Variants in LPO observed in about 807,000 individuals in gnomAD.
LPO encodes the protein lactoperoxidase, also known as salivary peroxidase.
Under a neutral mutation model 68.4 loss-of-function variants are expected in LPO, and 70 were observed. The observed-to-expected ratio is 1.02, with a 90% CI of 0.84 to 1.25. LPO has a LOEUF of 1.25. Among genes scored for constraint, LPO ranks in the 50% most tolerant of loss-of-function variants. LPO has a pLI of 0.00. For synonymous variants in LPO, 360 were observed against 357.6 expected, an observed-to-expected ratio of 1.01 and a Z score of -0.08; for missense variants, 873 against 908.4, an observed-to-expected ratio of 0.96 and a Z score of 0.50.
chr17:58,254,612 G>T (rs1970033039), intron 8 of LPO, 199 bp from the exon 9 acceptor site: 2 of 528,468 alleles, frequency 3.8e-6, no homozygotes, highest in Non-Finnish European at 3.4e-6. Context: ...CAGCTAAAAA[G>T]TGTGTATATA....
At chr17:58,243,205 G>C (rs968136990) in intron 2 of LPO, 150 bp downstream of exon 2, 4 of 690,732 alleles carry the variant, frequency 5.8e-6, no homozygotes, top group South Asian at 5.4e-5. Context: ...CCCTCTGAAG[G>C]CTCTAGGGAA....
intron 9 of LPO, among the ~76,000 whole-genome samples, chr17:58,255,597 G>A (rs1414122626): frequency 1.3e-5 from 2 of 152,194 alleles, no homozygotes; most frequent in African/African-American, 2.4e-5. Flanking sequence ...GCGCAGCACC[G>A]AGCAGAGGGC....
At chr17:58,244,117 A>G in intron 3 of LPO, 36 bp downstream of exon 3, 2 of 1,380,382 alleles carry the variant, frequency 1.4e-6, no homozygotes. Flanking sequence ...ACACACACAC[A>G]CACACACACA....
intron 5 of LPO, 149 bp from the exon 6 acceptor site, chr17:58,249,417 T>C: frequency 8.1e-7 from 1 of 1,239,160 alleles, no homozygotes; most frequent in South Asian, 1.6e-5. Flanking sequence ...CTTCAGGGGG[T>C]GGGCGCAGTT....
In LPO at chr17:58,252,225, T is replaced by A; in HGVS notation, c.824T>A (p.Met275Lys). 6.2e-7 allele frequency: 1 copy of A among 1,614,168 alleles called. No individual in the cohort carries two copies. The highest frequency in any genetic ancestry group is 8.5e-7 in the Non-Finnish European group (1 of 1,180,026). Residue 275 changes from methionine to lysine, a missense_variant, in exon 8 of 13, where the codon ATG (methionine) becomes AAG (lysine). Met to Lys is a moderately conservative substitution (Grantham distance 95). Transcript: ENST00000262290. ...AAGGCGGGGACTCAAGGGAAATGCA[T>A]GCCTTTCTTCCGAGCTGGGTTCGTC... ...DPKAGTQGKC[M>K]PFFRAGFVCP...
rs758666768 is a variant in LPO, at chr17:58,250,369, G to A, written c.574-46G>A. ...CTGTAGTTGCATCTGAATCCTCAAA[G>A]CACTTTTTCCTCTAATCTGCCCTCC... On this transcript the variant is annotated intron_variant, in intron 6 of 12. Coordinates refer to ENST00000262290, the MANE Select transcript of LPO (RefSeq NM_006151.3). 9 of 1,482,744 alleles carry A rather than the reference G, an allele frequency of 6.1e-6. No individual in the cohort carries two copies. The East Asian group carries it at 2.0e-4, about 34-fold the overall frequency. 91.8% of individuals were successfully genotyped at this position (1,482,744 alleles called of 1,614,324 possible).
chr17:58,256,826 C>CA (rs969464308), intron 9 of LPO, among the ~76,000 whole-genome samples: 528 of 74,428 alleles, frequency 7.1e-3, no homozygotes, highest in African/African-American at 0.012. Flanking sequence ...GACTCCCTTT[C>CA]AAAAAAAAAA....
intron 12 of LPO, 25 bp from the exon 13 acceptor site, chr17:58,267,762 A>G (rs755464666): frequency 1.1e-5 from 17 of 1,605,882 alleles, no homozygotes; most frequent in Non-Finnish European, 1.4e-5. Context: ...CAGACTGTGG[A>G]GTGACTCTAC....
intron 10 of LPO, among the ~76,000 whole-genome samples, chr17:58,265,573 CTTTTTT>C (rs71365866): frequency 4.7e-5 from 4 of 85,222 alleles, no homozygotes; most frequent in South Asian, 4.0e-4. Context: ...TTAAAAATAC[CTTTTTT>C]TTTTTTTTTT....
At chr17:58,240,817 G>A (rs1204778741) in intron 1 of LPO, among the ~76,000 whole-genome samples, 1 of 152,008 alleles carries the variant, frequency 6.6e-6, no homozygotes, top group African/African-American at 2.4e-5. Flanking sequence ...TTTTTACTTT[G>A]TGTTTGTCAT....
At chr17:58,248,124 G>T (rs546098925) in intron 4 of LPO, among the ~76,000 whole-genome samples, 83 of 152,244 alleles carry the variant, frequency 5.5e-4, no homozygotes, top group South Asian at 1.5e-3. Flanking sequence ...TTAACTGATG[G>T]CTTGGTCATG....
At chr17:58,249,392 G>T (rs941344619) in intron 5 of LPO, 174 bp from the exon 6 acceptor site, 4 of 1,082,564 alleles carry the variant, frequency 3.7e-6, no homozygotes, top group Admixed American at 5.9e-5. Flanking sequence ...TCCCCGGGGC[G>T]GGGGAGCCCC....
chr17:58,267,910 G>A lies in LPO; in HGVS notation c.2055G>A (p.Trp685Ter). The change falls in exon 13 of 13, where the codon TGG becomes TGA. Residue 685 changes from tryptophan to a stop codon, truncating the protein, a stop_gained. Transcript: ENST00000262290. LOFTEE classifies it high-confidence loss of function. ...RITKVPRDPFWANSYPYDFVD... is the reference protein window; with the variant it reads ...RITKVPRDPF ...CCAAGGTCCCACGGGACCCATTCTGGGCCAACAGCTACCCCTATGACTTCG... is the reference window on the plus strand; with the variant it reads ...CCAAGGTCCCACGGGACCCATTCTGAGCCAACAGCTACCCCTATGACTTCG... The A allele has an allele frequency of 1.2e-6, 2 of 1,614,152 alleles. No homozygotes were observed. The highest frequency in any genetic ancestry group is 1.7e-6 in the Non-Finnish European group (2 of 1,180,016).
Position 58,244,088 on chromosome 17 carries a change from G to GACAC in LPO, c.164+8_164+9insCACA, listed in dbSNP as rs200951036. The GACAC allele has an allele frequency of 5.2e-4, 754 of 1,453,442 alleles. 5 individuals carry two copies. In the African/African-American group the frequency reaches 6.1e-3, roughly 12 times the overall value. 90.0% of individuals were successfully genotyped at this position (1,453,442 alleles called of 1,614,324 possible). A position where few individuals can be genotyped will look rare whatever the true frequency, so the allele number is the denominator to read the frequency against. ...TCCTGGACTCCCGAACCAGGTACGT[G>GACAC]AGACACACACACACACACACACACA... is the stretch of plus-strand genomic sequence containing the variant. On this transcript the variant is annotated splice_region_variant and intron_variant, in intron 3 of 12. Coordinates refer to ENST00000262290, the MANE Select transcript of LPO (RefSeq NM_006151.3).
At chr17:58,267,218 C>T in intron 11 of LPO, 131 bp from the exon 12 acceptor site, 1 of 646,282 alleles carries the variant, frequency 1.5e-6, no homozygotes, top group Non-Finnish European at 2.7e-6. Context: ...CAATGGATTC[C>T]CTCCTTCCCC....
chr17:58,250,575 A>G lies in LPO; in HGVS notation c.734A>G (p.Gln245Arg). The G allele has an allele frequency of 6.2e-7, 1 of 1,614,122 alleles. No homozygotes were observed. The highest frequency in any genetic ancestry group is 8.5e-7 in the Non-Finnish European group (1 of 1,180,008). Reference sequence around the variant, plus strand: ...GGGAGTAGCGAGTACTCCAAAGCCCAGTGTGATGAGTACTGTATCCAGGGA... The same window carrying G: ...GGGAGTAGCGAGTACTCCAAAGCCCGGTGTGATGAGTACTGTATCCAGGGA... ...ELGSSEYSKA[Q>R]CDEYCIQGDN... Residue 245 changes from glutamine (Q) to arginine (R), a missense_variant, in exon 7 of 13, where the codon CAG (glutamine) becomes CGG (arginine). Coordinates refer to ENST00000262290, the MANE Select transcript of LPO (RefSeq NM_006151.3).
Position 58,252,333 on chromosome 17 carries a change from G to T in LPO, c.932G>T (p.Ser311Ile). The T allele has an allele frequency of 6.2e-7, 1 of 1,614,178 alleles. No homozygotes were observed. Residue 311 changes from serine (S) to isoleucine (I), a missense_variant, in exon 8 of 13, where the codon AGC becomes ATC. By Grantham distance (142) the Ser-to-Ile change is moderately radical. Coordinates refer to ENST00000262290, the MANE Select transcript of LPO (RefSeq NM_006151.3). The part of the protein sequence containing the change: ...TSFLDASFVY[S>I]SEPSLASRLR... ...TTCCTGGATGCCAGCTTTGTGTACA[G>T]CTCCGAGCCAAGCCTGGCCAGCCGC... is the stretch of plus-strand genomic sequence containing the variant.
intron 9 of LPO, among the ~76,000 whole-genome samples, chr17:58,256,440 G>T (rs1048131281): frequency 6.7e-6 from 1 of 150,272 alleles, no homozygotes; most frequent in Non-Finnish European, 1.5e-5. Context: ...AATTTTGTGG[G>T]TACATAGTAG....
At position 58,255,076 on chromosome 17, in the gene LPO, C is replaced by T. The variant is rs955233483; in HGVS notation, c.1266+105C>T. On this transcript the variant is annotated intron_variant, in intron 9 of 12. Transcript: ENST00000262290. Reference sequence around the variant, plus strand: ...TCAGGCTCTCTCCTCTGTTCCCACACCTCCGTTTCCCCCGGCCCCTCTGCT... The same window carrying T: ...TCAGGCTCTCTCCTCTGTTCCCACATCTCCGTTTCCCCCGGCCCCTCTGCT... The T allele has an allele frequency of 7.3e-5, 86 of 1,174,436 alleles. No individual in the cohort carries two copies. The East Asian group carries it at 2.0e-3, about 27-fold the overall frequency. 72.8% of individuals were successfully genotyped at this position (1,174,436 alleles called of 1,614,324 possible).
Sources: allele counts gnomAD v4.1 joint callset (sites outside exome capture counted in the v4.1 genomes callset), GRCh38; gene constraint gnomAD v4.1.1; transcripts MANE v1.5; gene names NCBI Gene and HGNC (gene_info 2026-07-23, HGNC 2026-07-21).